Variants in ZNF362 observed in about 807,000 individuals in gnomAD.
ZNF362 encodes the protein rotund homolog.
Under a neutral mutation model 42.9 loss-of-function variants are expected in ZNF362, and 11 were observed. The ratio of observed to expected loss-of-function variants is 0.26; its 90% CI spans 0.16 to 0.42. The LOEUF (loss-of-function observed/expected upper bound fraction) is 0.42. Among genes scored for constraint, ZNF362 ranks in the 20% least tolerant of loss-of-function variants. ZNF362 has a pLI of 1.00. For missense variants in ZNF362, 362 were observed against 576.2 expected, an observed-to-expected ratio of 0.63 and a Z score of 3.81; for synonymous variants, 255 against 257.3, an observed-to-expected ratio of 0.99 and a Z score of 0.09.
the ZNF362 span, among the ~76,000 whole-genome samples, chr1:33,234,742 A>G: frequency 3.3e-5 from 5 of 152,162 alleles, no homozygotes. Flanking sequence ...TGCACCTTTC[A>G]GGGCAGCATT....
At chr1:33,219,653 A>G in the ZNF362 span, among the ~76,000 whole-genome samples, 3 of 152,164 alleles carry the variant, frequency 2.0e-5, no homozygotes, top group Admixed American at 6.5e-5. Context: ...CTGTGTGGAC[A>G]GCCAAGGAGT....
chr1:33,250,894 A>AGAAGAAGAAGAAGAT, the ZNF362 span, among the ~76,000 whole-genome samples: 1 of 150,666 alleles, frequency 6.6e-6, no homozygotes, highest in Non-Finnish European at 1.5e-5. Context: ...AAGAAGAAGA[A>AGAAGAAGAAGAAGAT]GGAGAAGAAG....
the ZNF362 span, among the ~76,000 whole-genome samples, chr1:33,136,126 C>CTTCCTTCCTTG: frequency 7.7e-6 from 1 of 129,484 alleles, no homozygotes; most frequent in African/African-American, 3.0e-5. Flanking sequence ...TTCCTTCCTT[C>CTTCCTTCCTTG]CTTCCTTCCT....
intron 4 of ZNF362, among the ~76,000 whole-genome samples, chr1:33,276,820 G>A (rs1256880032): frequency 6.6e-6 from 1 of 152,242 alleles, no homozygotes; most frequent in African/African-American, 2.4e-5. Context: ...CAGTGGACAC[G>A]ACAGGAGCCG....
At chr1:33,133,510 C>T in the ZNF362 span, among the ~76,000 whole-genome samples, 1 of 152,170 alleles carries the variant, frequency 6.6e-6, no homozygotes, top group Admixed American at 6.5e-5. Flanking sequence ...GGACCACCGG[C>T]GGCACGTTTT....
chr1:33,280,337 C>G lies in ZNF362; in HGVS notation c.563C>G (p.Pro188Arg), dbSNP rs775049086. ...CAGGGCCACGGCCTGCTTGGCCCCC[C>G]CAAGTCCGAACGCGGCCGCAAAAAG... ...TIQGHGLLGP[P>R]KSERGRKKIK... Residue 188 changes from proline to arginine, a missense_variant, in exon 5 of 9, where the codon CCC (proline) becomes CGC (arginine). Pro to Arg is a moderately radical substitution (Grantham distance 103). Transcript: ENST00000539719. The surrounding 1 kb of genome is among the most constrained non-coding windows in gnomAD (Gnocchi z 5.6). 11 of 1,614,098 alleles carry G rather than the reference C, an allele frequency of 6.8e-6. No individual in the cohort carries two copies. The highest frequency in any genetic ancestry group is 5.0e-5 in the Admixed American group (3 of 60,032).
At chr1:33,277,341 C>T (rs1414123514) in intron 4 of ZNF362, among the ~76,000 whole-genome samples, 1 of 152,232 alleles carries the variant, frequency 6.6e-6, no homozygotes, top group Non-Finnish European at 1.5e-5. Flanking sequence ...CAGAGGCCGG[C>T]AGTGTGGCTC....
At chr1:33,140,259 G>A in the ZNF362 span, among the ~76,000 whole-genome samples, 7 of 152,336 alleles carry the variant, frequency 4.6e-5, no homozygotes, top group East Asian at 1.9e-4. The surrounding 1 kb of genome is among the most constrained non-coding windows in gnomAD (Gnocchi z 4.0). Context: ...AGTCAGAGAC[G>A]GAGCTGGGGT....
At chr1:33,132,795 T>C in the ZNF362 span, among the ~76,000 whole-genome samples, 3 of 152,238 alleles carry the variant, frequency 2.0e-5, no homozygotes, top group African/African-American at 4.8e-5. Flanking sequence ...ATGAACCTTG[T>C]GGTTGACACA....
chr1:33,211,639 C>T, the ZNF362 span, among the ~76,000 whole-genome samples: 2 of 151,988 alleles, frequency 1.3e-5, no homozygotes, highest in African/African-American at 2.4e-5. Flanking sequence ...GTGGGTAACC[C>T]GCCCTTTCTC....
At chr1:33,215,149 A>G in the ZNF362 span, among the ~76,000 whole-genome samples, 1 of 152,194 alleles carries the variant, frequency 6.6e-6, no homozygotes, top group Non-Finnish European at 1.5e-5. Context: ...TACACAGTGG[A>G]ATATTATTCA....
At chr1:33,292,342 T>C (rs1373707696) in intron 6 of ZNF362, among the ~76,000 whole-genome samples, 3 of 152,222 alleles carry the variant, frequency 2.0e-5, no homozygotes, top group African/African-American at 7.2e-5. Flanking sequence ...GTGTTTGTCG[T>C]TGGTTCTGTT....
At chr1:33,210,548 G>A in the ZNF362 span, among the ~76,000 whole-genome samples, 8 of 152,146 alleles carry the variant, frequency 5.3e-5, no homozygotes, top group East Asian at 1.5e-3. Flanking sequence ...CATTATTATT[G>A]CCTGGGAGTC....
the ZNF362 span, among the ~76,000 whole-genome samples, chr1:33,169,796 T>A: frequency 6.6e-6 from 1 of 152,236 alleles, no homozygotes; most frequent in Non-Finnish European, 1.5e-5. Context: ...TGGGCTGCTG[T>A]ATCAGACAGT....
At chr1:33,220,266 A>ACTT in the ZNF362 span, among the ~76,000 whole-genome samples, 2 of 151,978 alleles carry the variant, frequency 1.3e-5, no homozygotes, top group Non-Finnish European at 2.9e-5. Flanking sequence ...AGGATTATAG[A>ACTT]CTTCTATTCC....
At chr1:33,263,144 A>G (rs1053419383) in intron 1 of ZNF362, among the ~76,000 whole-genome samples, 11 of 152,254 alleles carry the variant, frequency 7.2e-5, no homozygotes, top group African/African-American at 1.2e-4. Flanking sequence ...TTGAGATAAC[A>G]TAGCCTCAAA....
the ZNF362 span, among the ~76,000 whole-genome samples, chr1:33,206,149 T>G: frequency 2.4e-3 from 372 of 152,216 alleles, 2 homozygotes; most frequent in Admixed American, 0.011. Flanking sequence ...AAATGTATCA[T>G]AGAAAATTAG....
At chr1:33,132,870 G>T in the ZNF362 span, among the ~76,000 whole-genome samples, 3 of 152,244 alleles carry the variant, frequency 2.0e-5, no homozygotes, top group African/African-American at 7.2e-5. Context: ...AAAATTAGCG[G>T]CATGAGAGGC....
At chr1:33,273,931 C>G (rs1645923860) in intron 2 of ZNF362, among the ~76,000 whole-genome samples, 1 of 152,224 alleles carries the variant, frequency 6.6e-6, no homozygotes, top group South Asian at 2.1e-4. Context: ...TTGATAACCT[C>G]TGGGCCTGGG....
Sources: gnomAD v4.1 joint callset for allele counts (sites outside exome capture counted in the v4.1 genomes callset) on GRCh38, gnomAD v4.1.1 for gene constraint, Gnocchi (gnomAD v3.1) non-coding constraint, MANE v1.5 for transcripts, NCBI Gene and HGNC (gene_info 2026-07-23, HGNC 2026-07-21) for gene names.